The following PPIL1 variants were observed in gnomAD, a reference collection of about 807,000 sequenced individuals.
The protein encoded by PPIL1 is peptidylprolyl isomerase like 1.
PPIL1 carries 14 observed loss-of-function variants against 19.4 expected under a neutral mutation model. The observed-to-expected ratio is 0.72, with a 90% CI of 0.48 to 1.13. The LOEUF (loss-of-function observed/expected upper bound fraction) is 1.13. Among genes scored for constraint, PPIL1 ranks in the 50% most tolerant of loss-of-function variants. The pLI is 0.00. For synonymous variants in PPIL1, 72 were observed against 73.6 expected, an observed-to-expected ratio of 0.98 and a Z score of 0.11; for missense variants, 192 against 218.0, an observed-to-expected ratio of 0.88 and a Z score of 0.75.
chr6:36,860,326 C>G (rs1385603080), intron 2 of PPIL1, among the ~76,000 whole-genome samples: 1 of 152,068 alleles, frequency 6.6e-6, no homozygotes, highest in Non-Finnish European at 1.5e-5. Flanking sequence ...CGTGGTTGTG[C>G]GTGCCTGCAG....
intron 1 of PPIL1, among the ~76,000 whole-genome samples, chr6:36,872,910 G>A (rs78149087): frequency 9.2e-5 from 14 of 152,176 alleles, no homozygotes; most frequent in Non-Finnish European, 1.8e-4. Context: ...CACCTGGCCA[G>A]ATGTGAGAAT....
chr6:36,872,783 A>AT (rs958199626), intron 1 of PPIL1, among the ~76,000 whole-genome samples: 1 of 151,940 alleles, frequency 6.6e-6, no homozygotes, highest in Non-Finnish European at 1.5e-5. Context: ...AATTTGTTGT[A>AT]TTTTTTTGTA....
intron 2 of PPIL1, among the ~76,000 whole-genome samples, chr6:36,868,534 C>T (rs1774438147): frequency 6.6e-6 from 1 of 152,134 alleles, no homozygotes; most frequent in African/African-American, 2.4e-5. Context: ...TTCTCCAAAA[C>T]CATATTCAAA....
intron 2 of PPIL1, among the ~76,000 whole-genome samples, chr6:36,859,478 A>C (rs1217560402): frequency 1.3e-5 from 2 of 151,720 alleles, no homozygotes; most frequent in Non-Finnish European, 1.5e-5. Flanking sequence ...CAGAGGATAC[A>C]GGAGGAAAGA....
At chr6:36,871,926 G>C (rs909253665) in intron 1 of PPIL1, 54 bp from the exon 2 acceptor site, 5 of 1,458,470 alleles carry the variant, frequency 3.4e-6, no homozygotes, top group South Asian at 2.8e-5. Context: ...GGGCAGACAG[G>C]AGTATTATGG....
chr6:36,855,808 C>A lies in PPIL1; in HGVS notation c.*5G>T, dbSNP rs1369619860. The A allele has an allele frequency of 6.2e-7, 1 of 1,613,346 alleles. No individual in the cohort carries two copies. The highest frequency in any genetic ancestry group is 8.5e-7 in the Non-Finnish European group (1 of 1,179,406). On this transcript the variant is annotated 3_prime_UTR_variant, in exon 4 of 4. Transcript: ENST00000373699. ...TCAGAAGAGCTGCTCAAGAGGGTAG[C>A]AAGTCTACCCAGAAGGGTATGCCTT...
At chr6:36,870,637 T>G (rs1583119506) in intron 2 of PPIL1, among the ~76,000 whole-genome samples, 3 of 152,286 alleles carry the variant, frequency 2.0e-5, no homozygotes, top group African/African-American at 7.2e-5. Flanking sequence ...ATTTATTTAT[T>G]TGAGAGGGAG....
intron 1 of PPIL1, 82 bp from the exon 2 acceptor site, chr6:36,871,954 T>G (rs1488840883): frequency 8.7e-6 from 11 of 1,267,858 alleles, no homozygotes; most frequent in Non-Finnish European, 1.1e-5. Flanking sequence ...CCAGGACTCT[T>G]GATTTTCAAG....
intron 2 of PPIL1, among the ~76,000 whole-genome samples, chr6:36,860,679 C>A (rs1211109809): frequency 6.6e-6 from 1 of 151,096 alleles, no homozygotes; most frequent in East Asian, 1.9e-4. Context: ...CAAAGAATCA[C>A]ATTTTCCTCT....
chr6:36,870,311 T>C (rs1774482586), intron 2 of PPIL1, among the ~76,000 whole-genome samples: 1 of 152,112 alleles, frequency 6.6e-6, no homozygotes, highest in Admixed American at 6.5e-5. Context: ...ACCAGTTCAC[T>C]AATAAACCCC....
At position 36,862,321 on chromosome 6, in the gene PPIL1, A is replaced by C. The variant is rs371416429; in HGVS notation, c.212-5667T>G. On this transcript the variant is annotated intron_variant, in intron 2 of 3. Transcript: ENST00000373699. ...TCTGGCAAGAGTGCCTCTAACAGAC[A>C]CTGTCCGTCAGTAGTCTCCTGAGCA... 2.6e-5 allele frequency among the ~76,000 whole-genome samples: 4 copies of C among 152,250 alleles called. No homozygotes were observed. In the East Asian group the frequency reaches 5.8e-4, roughly 22 times the overall value.
chr6:36,863,545 T>C (rs1009578667), intron 2 of PPIL1, among the ~76,000 whole-genome samples: 9 of 152,200 alleles, frequency 5.9e-5, no homozygotes, highest in Non-Finnish European at 1.3e-4. Context: ...TGTCAGCATT[T>C]AAACATGTTA....
In PPIL1 at chr6:36,871,464, G is replaced by A. The variant is rs369696954; in HGVS notation, c.211+254C>T. ...TATTTGTTCTTAGTGAGCAGTACATGTAAGTTATGAAAAACTCTACCAAGC... is the reference window on the plus strand; with the variant it reads ...TATTTGTTCTTAGTGAGCAGTACATATAAGTTATGAAAAACTCTACCAAGC... On this transcript the variant is annotated intron_variant, in intron 2 of 3. Coordinates refer to ENST00000373699, the MANE Select transcript of PPIL1 (RefSeq NM_016059.5). 1.2e-4 allele frequency among the ~76,000 whole-genome samples: 19 copies of A among 152,284 alleles called. No individual in the cohort carries two copies. In the South Asian group the frequency reaches 3.7e-3, roughly 30 times the overall value.
chr6:36,861,392 TAC>T (rs1774285291), intron 2 of PPIL1, among the ~76,000 whole-genome samples: 2 of 152,194 alleles, frequency 1.3e-5, no homozygotes, highest in Non-Finnish European at 2.9e-5. Context: ...AATTGATACA[TAC>T]AGTCATCCCT....
chr6:36,872,112 T>G, intron 1 of PPIL1: 1 of 352,762 alleles, frequency 2.8e-6, no homozygotes. Flanking sequence ...ATAACAAGCA[T>G]GGAGAACTCA....
In PPIL1 at chr6:36,855,456, G is replaced by A. The variant is rs1268547779; in HGVS notation, c.*357C>T. ...GTAGGCCAGAATATAAATCTCCTTA[G>A]GAAGAAGTTTGGTTAGGCAAAACCA... On this transcript the variant is annotated 3_prime_UTR_variant, in exon 4 of 4. Coordinates refer to ENST00000373699, the MANE Select transcript of PPIL1 (RefSeq NM_016059.5). 3.3e-6 allele frequency: 1 copy of A among 299,956 alleles called. No individual in the cohort carries two copies. The highest frequency in any genetic ancestry group is 6.5e-6 in the Non-Finnish European group (1 of 152,782). The allele number at this position is 299,956 out of a possible 1,614,324, so 18.6% of individuals were successfully genotyped here.
At chr6:36,856,096 C>T (rs1774162828) in intron 3 of PPIL1, 63 bp from the exon 4 acceptor site, 4 of 1,507,158 alleles carry the variant, frequency 2.7e-6, no homozygotes, top group Non-Finnish European at 3.6e-6. Context: ...TGTAGAGCTG[C>T]TGCCCCATCC....
Position 36,858,231 on chromosome 6 carries a change from C to CAAAAA in PPIL1, c.212-1582_212-1578dup, listed in dbSNP as rs55719434. Among the ~76,000 whole-genome samples the CAAAAA allele has an allele frequency of 6.7e-4, 46 of 68,174 alleles. 1 individual carries two copies. In the South Asian group the frequency reaches 9.6e-3, roughly 14 times the overall value. 44.7% of individuals were successfully genotyped at this position (68,174 alleles called of 152,430 possible). A position where few individuals can be genotyped will look rare whatever the true frequency, so the allele number is the denominator to read the frequency against. On this transcript the variant is annotated intron_variant, in intron 2 of 3. Coordinates refer to ENST00000373699, the MANE Select transcript of PPIL1 (RefSeq NM_016059.5). ...CCTGGGCGACAGAGCAAGACTGTCTCAAAAAAAAAAAAAAAAAAAAAAAAA... is the reference window on the plus strand; with the variant it reads ...CCTGGGCGACAGAGCAAGACTGTCTCAAAAAAAAAAAAAAAAAAAAAAAAAAAAAA...
chr6:36,858,872 G>C (rs1291192035), intron 2 of PPIL1, among the ~76,000 whole-genome samples: 3 of 152,092 alleles, frequency 2.0e-5, no homozygotes, highest in Non-Finnish European at 4.4e-5. Context: ...AAGGTTCCTG[G>C]CTGGGGTTAC....
Sources: gnomAD v4.1 joint callset for allele counts (sites outside exome capture counted in the v4.1 genomes callset) on GRCh38, gnomAD v4.1.1 for gene constraint, MANE v1.5 for transcripts, NCBI Gene and HGNC (gene_info 2026-07-23, HGNC 2026-07-21) for gene names.